The following CTNNA3 variants were observed in gnomAD, a reference collection of about 807,000 sequenced individuals.
CTNNA3 encodes the protein catenin alpha 3.
CTNNA3 carries 76 observed loss-of-function variants against 95.7 expected under a neutral mutation model. That is an observed-to-expected ratio of 0.79 (90% CI 0.66 to 0.96). The LOEUF (loss-of-function observed/expected upper bound fraction) is 0.96, where lower values mean the gene tolerates loss of function less well. Among genes scored for constraint, CTNNA3 ranks in the 40% least tolerant of loss-of-function variants. CTNNA3 has a pLI of 0.00. For synonymous variants in CTNNA3, 431 were observed against 374.4 expected, an observed-to-expected ratio of 1.15 and a Z score of -1.74; for missense variants, 1,191 against 1,089.8, an observed-to-expected ratio of 1.09 and a Z score of -1.31.
chr10:66,783,804 A>G (rs1840635279), intron 7 of CTNNA3, among the ~76,000 whole-genome samples: 1 of 152,144 alleles, frequency 6.6e-6, no homozygotes, highest in Admixed American at 6.6e-5. Context: ...TTGGAGATAG[A>G]GAATCAGAAA....
In CTNNA3 at chr10:67,254,477, A is replaced by C. The variant is rs60016747; in HGVS notation, c.580-34607T>G. Among the ~76,000 whole-genome samples, 2,362 of 152,276 alleles carry C rather than the reference A, an allele frequency of 0.016. 193 individuals are homozygous for C. The East Asian group carries it at 0.26, about 17-fold the overall frequency. ...AGGATCATAACTCATCCAAGGTAAT[A>C]GGATTGCTACTACAGATGGCACTGG... is the stretch of plus-strand genomic sequence containing the variant. On this transcript the variant is annotated intron_variant, in intron 5 of 17. Coordinates refer to ENST00000433211, the MANE Select transcript of CTNNA3 (RefSeq NM_013266.4).
intron 7 of CTNNA3, among the ~76,000 whole-genome samples, chr10:67,056,960 G>A (rs544689776): frequency 6.6e-6 from 1 of 152,254 alleles, no homozygotes; most frequent in South Asian, 2.1e-4. Context: ...AACTGACTGA[G>A]ACTGATTATC....
At chr10:67,199,837 G>A (rs1291763703) in intron 6 of CTNNA3, among the ~76,000 whole-genome samples, 1 of 152,156 alleles carries the variant, frequency 6.6e-6, no homozygotes, top group African/African-American at 2.4e-5. Context: ...GCAGTGGGAT[G>A]TGCTATTAAA....
intron 5 of CTNNA3, among the ~76,000 whole-genome samples, chr10:67,394,959 C>T (rs1031467560): frequency 6.6e-6 from 1 of 152,074 alleles, no homozygotes; most frequent in African/African-American, 2.4e-5. Flanking sequence ...ATCAGTTATT[C>T]ACCATCAACA....
intron 11 of CTNNA3, among the ~76,000 whole-genome samples, chr10:66,471,297 T>C (rs1839122032): frequency 6.6e-6 from 1 of 151,814 alleles, no homozygotes; most frequent in African/African-American, 2.4e-5. Context: ...GCATATCTAG[T>C]ATTATTATAT....
At chr10:66,573,758 T>C (rs1200002888) in intron 10 of CTNNA3, among the ~76,000 whole-genome samples, 2 of 152,148 alleles carry the variant, frequency 1.3e-5, no homozygotes, top group African/African-American at 4.8e-5. Context: ...GAATTAGGCA[T>C]TAATTATATT....
At chr10:66,254,045 A>G (rs1379382702) in intron 13 of CTNNA3, among the ~76,000 whole-genome samples, 1 of 152,178 alleles carries the variant, frequency 6.6e-6, no homozygotes, top group African/African-American at 2.4e-5. Flanking sequence ...GTGGAGCCTC[A>G]GATGCCTTCT....
At chr10:66,634,904 C>T (rs1335364144) in intron 9 of CTNNA3, among the ~76,000 whole-genome samples, 1 of 152,062 alleles carries the variant, frequency 6.6e-6, no homozygotes, top group Non-Finnish European at 1.5e-5. Context: ...TTGGCTGTTA[C>T]AGTATTATTG....
chr10:66,864,287 A>G (rs1417700034), intron 7 of CTNNA3, among the ~76,000 whole-genome samples: 4 of 152,148 alleles, frequency 2.6e-5, no homozygotes, highest in Non-Finnish European at 2.9e-5. Flanking sequence ...TTGGTTAGTT[A>G]CCATGGGAAT....
At chr10:66,431,472 A>G (rs547685885) in intron 11 of CTNNA3, among the ~76,000 whole-genome samples, 2 of 152,180 alleles carry the variant, frequency 1.3e-5, no homozygotes, top group Non-Finnish European at 2.9e-5. Context: ...CACTATTCAC[A>G]ATAGCAAAGA....
At chr10:67,318,715 C>A (rs1208366573) in intron 5 of CTNNA3, among the ~76,000 whole-genome samples, 1 of 152,204 alleles carries the variant, frequency 6.6e-6, no homozygotes, top group Admixed American at 6.5e-5. Flanking sequence ...TACCTCCAAG[C>A]CTTTGCTCAA....
At chr10:67,236,337 A>T (rs1865455285) in intron 5 of CTNNA3, among the ~76,000 whole-genome samples, 1 of 151,734 alleles carries the variant, frequency 6.6e-6, no homozygotes, top group African/African-American at 2.4e-5. Context: ...AGCCATAAAA[A>T]ATGATGAGTT....
intron 13 of CTNNA3, among the ~76,000 whole-genome samples, chr10:66,207,225 T>C (rs2087820528): frequency 2.0e-5 from 3 of 151,818 alleles, no homozygotes; most frequent in Admixed American, 2.0e-4. Context: ...TATATAGATA[T>C]ACTTCTAAAA....
intron 5 of CTNNA3, among the ~76,000 whole-genome samples, chr10:67,479,109 G>T (rs1848125830): frequency 6.6e-6 from 1 of 152,102 alleles, no homozygotes; most frequent in African/African-American, 2.4e-5. Context: ...TATAGAACAA[G>T]TACTTCTAGA....
chr10:66,441,806 G>A (rs1045546215), intron 11 of CTNNA3, among the ~76,000 whole-genome samples: 13 of 152,310 alleles, frequency 8.5e-5, no homozygotes, highest in African/African-American at 3.1e-4. Flanking sequence ...ACAAAGAGTA[G>A]ATTCACAGCT....
At chr10:67,108,197 G>A (rs1858751331) in intron 7 of CTNNA3, among the ~76,000 whole-genome samples, 1 of 152,102 alleles carries the variant, frequency 6.6e-6, no homozygotes. Context: ...TGCCTTAAAA[G>A]TATAAATAAT....
chr10:66,839,924 T>G (rs1842991168), intron 7 of CTNNA3, among the ~76,000 whole-genome samples: 1 of 152,168 alleles, frequency 6.6e-6, no homozygotes, highest in South Asian at 2.1e-4. Context: ...CATTCATAGT[T>G]GTCTGTGAAA....
At position 67,366,176 on chromosome 10, in the gene CTNNA3, G is replaced by C. The variant is rs776769433; in HGVS notation, c.580-146306C>G. Among the ~76,000 whole-genome samples, 7 of 151,998 alleles carry C rather than the reference G, an allele frequency of 4.6e-5. 1 individual carries two copies. The South Asian group carries it at 1.2e-3, about 27-fold the overall frequency. ...AACAATGAGAACACATGGACACAAG[G>C]CAGGGAACATCACACACACCAGGGC... On this transcript the variant is annotated intron_variant, in intron 5 of 17. Coordinates refer to ENST00000433211, the MANE Select transcript of CTNNA3 (RefSeq NM_013266.4).
At chr10:66,730,387 G>T (rs1481547809) in intron 9 of CTNNA3, among the ~76,000 whole-genome samples, 1 of 152,152 alleles carries the variant, frequency 6.6e-6, no homozygotes, top group Non-Finnish European at 1.5e-5. Context: ...ACTTATAAGT[G>T]GGAGCTGAAT....
Sources: allele counts gnomAD v4.1 joint callset (sites outside exome capture counted in the v4.1 genomes callset), GRCh38; gene constraint gnomAD v4.1.1; transcripts MANE v1.5; gene names NCBI Gene and HGNC (gene_info 2026-07-23, HGNC 2026-07-21).